Variants in LIN7A observed in about 807,000 individuals in gnomAD.
LIN7A encodes lin-7 cell polarity scaffold A, also known as protein lin-7 homolog A.
In LIN7A, 25 loss-of-function variants were observed where a neutral mutation model predicts 29.8. That is an observed-to-expected ratio of 0.84 (90% CI 0.61 to 1.17). The LOEUF is 1.17. LIN7A is among the 50% of genes most tolerant of loss of function. LIN7A has a pLI of 0.00. For missense variants in LIN7A, 239 were observed against 287.0 expected (o/e 0.83, Z 1.21); for synonymous variants, 118 against 107.5 (o/e 1.10, Z -0.60).
intron 1 of LIN7A, among the ~76,000 whole-genome samples, chr12:80,920,017 T>C (rs181914273): frequency 6.6e-6 from 1 of 152,252 alleles, no homozygotes; most frequent in Admixed American, 6.5e-5. Flanking sequence ...ATGGTTAAGT[T>C]GAAAGTCAAT....
chr12:80,921,866 A>C (rs767559077), intron 1 of LIN7A, among the ~76,000 whole-genome samples: 22 of 152,244 alleles, frequency 1.4e-4, no homozygotes, highest in Non-Finnish European at 2.8e-4. Flanking sequence ...TATTTCATTC[A>C]TCCAGAGGCA....
intron 2 of LIN7A, among the ~76,000 whole-genome samples, chr12:80,871,523 T>C (rs955732904): frequency 1.6e-4 from 25 of 152,110 alleles, no homozygotes. Context: ...TTACTTTTTT[T>C]TTAGTTGTCA....
At chr12:80,894,507 T>A (rs537797453) in intron 1 of LIN7A, among the ~76,000 whole-genome samples, 2 of 152,344 alleles carry the variant, frequency 1.3e-5, no homozygotes, top group Middle Eastern at 3.4e-3. Context: ...TTAAAATTTA[T>A]GCATTGCTTA....
chr12:80,869,682 G>A (rs1874326706), intron 2 of LIN7A, among the ~76,000 whole-genome samples: 1 of 151,780 alleles, frequency 6.6e-6, no homozygotes, highest in Admixed American at 6.6e-5. Context: ...AATAGTATAG[G>A]TATTGTCAGA....
intron 2 of LIN7A, among the ~76,000 whole-genome samples, chr12:80,873,743 C>T (rs1795501): frequency 6.6e-6 from 1 of 151,688 alleles, no homozygotes. Context: ...AAGAGGAAGA[C>T]GTATGTTACT....
At chr12:80,910,832 A>G (rs1876713093) in intron 1 of LIN7A, among the ~76,000 whole-genome samples, 1 of 152,112 alleles carries the variant, frequency 6.6e-6, no homozygotes, top group Non-Finnish European at 1.5e-5. Context: ...AGAAATATTT[A>G]TCTTAGATTT....
intron 5 of LIN7A, among the ~76,000 whole-genome samples, chr12:80,804,805 T>A (rs529612057): frequency 3.5e-4 from 53 of 152,154 alleles, no homozygotes; most frequent in Non-Finnish European, 4.9e-4. Flanking sequence ...CCAGCCGCTT[T>A]GGCCTCCCAA....
intron 5 of LIN7A, among the ~76,000 whole-genome samples, chr12:80,806,088 AAAAC>A (rs1870972697): frequency 6.6e-6 from 1 of 151,674 alleles, no homozygotes; most frequent in Non-Finnish European, 1.5e-5. Flanking sequence ...AAAAAAACAA[AAAAC>A]AAACAAAAAA....
intron 5 of LIN7A, among the ~76,000 whole-genome samples, chr12:80,805,643 A>G (rs1390114964): frequency 6.6e-6 from 1 of 151,970 alleles, no homozygotes; most frequent in East Asian, 1.9e-4. Context: ...TATTATATAC[A>G]TGGAGTCACA....
chr12:80,863,391 A>G (rs1487574996), intron 2 of LIN7A, among the ~76,000 whole-genome samples: 1 of 152,240 alleles, frequency 6.6e-6, no homozygotes, highest in African/African-American at 2.4e-5. Flanking sequence ...TTGATCTACA[A>G]AAAGACAGTC....
At chr12:80,853,521 T>C (rs1400348978) in intron 2 of LIN7A, among the ~76,000 whole-genome samples, 1 of 152,130 alleles carries the variant, frequency 6.6e-6, no homozygotes, top group Admixed American at 6.6e-5. Context: ...AGGTACATTA[T>C]CATGGAAGAT....
intron 2 of LIN7A, among the ~76,000 whole-genome samples, chr12:80,875,739 A>G (rs182120542): frequency 3.9e-5 from 6 of 152,340 alleles, no homozygotes; most frequent in African/African-American, 1.4e-4. Flanking sequence ...TTAAATGCTT[A>G]TTATTTGGCT....
rs1288908478 is a variant in LIN7A, at chr12:80,935,654, TA to T, written c.82+1986del. ...AGATACGGAGAACAATATTTATATA[TA>T]TTGACTTTATGCTCAGTGGTGATGC... On this transcript the variant is annotated intron_variant, in intron 1 of 5. Transcript: ENST00000552864. 1.1e-5 allele frequency: 3 copies of T among 278,796 alleles called. No individual in the cohort carries two copies. The East Asian group carries it at 2.2e-4, about 21-fold the overall frequency. The allele number at this position is 278,796 out of a possible 1,614,324, so 17.3% of individuals were successfully genotyped here.
At chr12:80,825,459 G>T (rs1204575335) in intron 4 of LIN7A, among the ~76,000 whole-genome samples, 1 of 152,180 alleles carries the variant, frequency 6.6e-6, no homozygotes, top group Non-Finnish European at 1.5e-5. Flanking sequence ...GTTGTGTACT[G>T]GGATACTGAT....
intron 2 of LIN7A, among the ~76,000 whole-genome samples, chr12:80,860,232 G>A (rs866452968): frequency 9.0e-4 from 137 of 152,302 alleles, no homozygotes; most frequent in African/African-American, 3.2e-3. Context: ...GCACCCCAGT[G>A]TGTGCCAATA....
chr12:80,813,395 A>G (rs1161068871), intron 4 of LIN7A, among the ~76,000 whole-genome samples: 1 of 152,202 alleles, frequency 6.6e-6, no homozygotes, highest in African/African-American at 2.4e-5. Context: ...TTGGACTCAG[A>G]CTGCTAATAA....
chr12:80,935,487 G>C (rs1245757109), intron 1 of LIN7A, among the ~76,000 whole-genome samples: 2 of 152,238 alleles, frequency 1.3e-5, no homozygotes, highest in African/African-American at 4.8e-5. Context: ...GATGTATGCA[G>C]AGTGAGTATC....
At chr12:80,933,265 C>T (rs977251012) in intron 1 of LIN7A, among the ~76,000 whole-genome samples, 1 of 151,912 alleles carries the variant, frequency 6.6e-6, no homozygotes, top group East Asian at 1.9e-4. Flanking sequence ...AAATTTCTAC[C>T]CCAGGATGCA....
intron 2 of LIN7A, among the ~76,000 whole-genome samples, chr12:80,887,506 C>A (rs541069448): frequency 6.6e-6 from 1 of 152,252 alleles, no homozygotes; most frequent in South Asian, 2.1e-4. Flanking sequence ...CTTGCTTATT[C>A]TACTGCACAC....
Sources: gnomAD v4.1 joint callset for allele counts (sites outside exome capture counted in the v4.1 genomes callset) on GRCh38, gnomAD v4.1.1 for gene constraint, MANE v1.5 for transcripts, NCBI Gene and HGNC (gene_info 2026-07-23, HGNC 2026-07-21) for gene names.